NLRC5: variants seen among roughly 807,000 people sequenced by gnomAD.
The protein encoded by NLRC5 is NLR family CARD domain containing 5.
Under a neutral mutation model 206.9 loss-of-function variants are expected in NLRC5, and 114 were observed. The observed-to-expected ratio is 0.55, with a 90% CI of 0.47 to 0.64. NLRC5 has a LOEUF of 0.64. Ranked by LOEUF, NLRC5 falls within the 30% of genes least tolerant of loss-of-function variation. NLRC5 has a pLI of 0.00. For synonymous variants in NLRC5, 952 were observed against 962.8 expected, an observed-to-expected ratio of 0.99 and a Z score of 0.21; for missense variants, 2,008 against 2,305.5, an observed-to-expected ratio of 0.87 and a Z score of 2.64.
At chr16:57,001,954 T>C (rs1184716037) in intron 1 of NLRC5, among the ~76,000 whole-genome samples, 1 of 151,310 alleles carries the variant, frequency 6.6e-6, no homozygotes, top group Non-Finnish European at 1.5e-5. Context: ...TCTCCATGAC[T>C]TAAATTGTTT....
At chr16:57,065,375 T>C in intron 33 of NLRC5, 77 bp downstream of exon 33, 1 of 1,022,810 alleles carries the variant, frequency 9.8e-7, no homozygotes, top group Non-Finnish European at 1.4e-6. Flanking sequence ...CCTTCCCTCA[T>C]CCTGTGGGGT....
chr16:57,079,502 C>T (rs1425393519), intron 45 of NLRC5, 44 bp from the exon 46 acceptor site: 2 of 1,563,992 alleles, frequency 1.3e-6, no homozygotes, highest in South Asian at 1.1e-5. Context: ...GATCCCCTGA[C>T]TCAAACAACC....
chr16:57,019,400 A>AT (rs2060428947), intron 2 of NLRC5, among the ~76,000 whole-genome samples: 1 of 152,132 alleles, frequency 6.6e-6, no homozygotes, highest in Non-Finnish European at 1.5e-5. Flanking sequence ...CTGTCTCAAA[A>AT]AAAAAAGAGT....
At chr16:57,022,127 G>A in intron 3 of NLRC5, 129 bp from the exon 4 acceptor site, 4 of 639,884 alleles carry the variant, frequency 6.3e-6, no homozygotes, top group Non-Finnish European at 8.0e-6. Context: ...ATAACTGAGT[G>A]TTCCATTTAG....
intron 32 of NLRC5, 26 bp from the exon 33 acceptor site, chr16:57,065,186 C>T: frequency 5.4e-6 from 8 of 1,468,242 alleles, no homozygotes; most frequent in Non-Finnish European, 6.4e-6. Flanking sequence ...TTGGGGGGGC[C>T]TTATCTGTGT....
intron 1 of NLRC5, among the ~76,000 whole-genome samples, chr16:56,995,460 C>G (rs1443970253): frequency 6.6e-6 from 1 of 152,234 alleles, no homozygotes; most frequent in Non-Finnish European, 1.5e-5. Context: ...AAGTGGACTC[C>G]TAAAGGGATA....
At chr16:57,063,554 A>G (rs1462577228) in intron 32 of NLRC5, among the ~76,000 whole-genome samples, 2 of 152,036 alleles carry the variant, frequency 1.3e-5, no homozygotes, top group African/African-American at 4.8e-5. Context: ...TTTAAATATT[A>G]TTTTATTTCA....
intron 46 of NLRC5, among the ~76,000 whole-genome samples, chr16:57,079,973 ACCT>A (rs766641817): frequency 6.6e-6 from 1 of 151,778 alleles, no homozygotes; most frequent in Non-Finnish European, 1.5e-5. Context: ...GCTTGATGAA[ACCT>A]CCATTTATGA....
At position 57,076,825 on chromosome 16, in the gene NLRC5, C is replaced by T; in HGVS notation, c.4758C>T (p.Asn1586=). ...QMTCLQSLRL[N]RNSIGDVGCC... is the part of the protein sequence containing the mutation. ...CTATTCCCTGCTTTTCCAGACTGAA[C>T]AGGAACAGTATCGGTGATGTCGGTT... The change falls in exon 40 of 49, where the codon AAC becomes AAT. Residue 1586 remains asparagine (N), a synonymous_variant. Transcript: ENST00000688547. 1 of 1,614,124 alleles carries T rather than the reference C, an allele frequency of 6.2e-7. No homozygotes were observed. The highest frequency in any genetic ancestry group is 8.5e-7 in the Non-Finnish European group (1 of 1,180,010).
chr16:57,046,545 C>T lies in NLRC5; in HGVS notation c.3249-7C>T. The T allele has an allele frequency of 6.2e-7, 1 of 1,612,858 alleles. No individual in the cohort carries two copies. The highest frequency in any genetic ancestry group is 8.5e-7 in the Non-Finnish European group (1 of 1,179,044). ...GAACTTTCCTTTCTAAATGATCCCC[C>T]TCCTAGGGATATGTGGGCCACTGGA... is the stretch of plus-strand genomic sequence containing the variant. On this transcript the variant is annotated splice_region_variant and splice_polypyrimidine_tract_variant and intron_variant, in intron 21 of 48. Coordinates refer to ENST00000688547, the MANE Select transcript of NLRC5 (RefSeq NM_001384950.1).
At chr16:57,054,684 TTACCCTCCAGGC>T in intron 24 of NLRC5, 55 bp from the exon 25 acceptor site, 1 of 590,232 alleles carries the variant, frequency 1.7e-6, no homozygotes, top group Non-Finnish European at 3.2e-6. Flanking sequence ...CTCCCTTTCC[TTACCCTCCAGGC>T]TAGCCAGGTT....
chr16:57,049,573 TA>T (rs1341761556), intron 23 of NLRC5, among the ~76,000 whole-genome samples: 4 of 151,742 alleles, frequency 2.6e-5, no homozygotes, highest in African/African-American at 9.7e-5. Context: ...CCATCTCTAC[TA>T]AAAATACAAA....
intron 1 of NLRC5, among the ~76,000 whole-genome samples, chr16:57,011,803 T>C (rs905704797): frequency 1.3e-4 from 20 of 152,210 alleles, no homozygotes; most frequent in Non-Finnish European, 2.6e-4. Flanking sequence ...TCGTTTTGTT[T>C]GTTGCCATTT....
chr16:57,027,825 C>T (rs2061406411), intron 6 of NLRC5, among the ~76,000 whole-genome samples: 1 of 152,222 alleles, frequency 6.6e-6, no homozygotes, highest in Non-Finnish European at 1.5e-5. Flanking sequence ...ACATAGTCAC[C>T]TGGCCACACT....
chr16:57,077,235 G>A (rs1002744957), intron 40 of NLRC5, 61 bp from the exon 41 acceptor site: 2 of 1,472,074 alleles, frequency 1.4e-6, no homozygotes, highest in African/African-American at 1.4e-5. Context: ...TCTTTTTCTG[G>A]GAGTGGGGTG....
intron 22 of NLRC5, among the ~76,000 whole-genome samples, chr16:57,046,910 C>G (rs1285620114): frequency 6.6e-6 from 1 of 152,224 alleles, no homozygotes; most frequent in East Asian, 1.9e-4. Context: ...GCAGCTCAGC[C>G]ACTCCCTGCC....
At chr16:57,044,730 A>G (rs2063720126) in intron 20 of NLRC5, among the ~76,000 whole-genome samples, 1 of 150,280 alleles carries the variant, frequency 6.7e-6, no homozygotes, top group South Asian at 2.1e-4. Context: ...ACCAGCCTGG[A>G]CAACATGGTG....
At chr16:56,993,432 A>G (rs1200075655) in intron 1 of NLRC5, among the ~76,000 whole-genome samples, 4 of 152,190 alleles carry the variant, frequency 2.6e-5, no homozygotes, top group African/African-American at 9.7e-5. Flanking sequence ...TGTAATGAAT[A>G]TCCTTGGTCA....
chr16:57,026,877 C>T lies in NLRC5; in HGVS notation c.1934C>T (p.Pro645Leu), dbSNP rs1190531802. ...LPYQLPFHNF[P>L]LTCTDLATLT... ...TATCAACTGCCCTTCCACAATTTCC[C>T]ACTGACCTGCACCGACCTGGCCACC... The change falls in exon 6 of 49, where the codon CCA becomes CTA. Residue 645 changes from proline to leucine, a missense_variant. Transcript: ENST00000688547. 1.2e-6 allele frequency: 2 copies of T among 1,614,108 alleles called. No individual in the cohort carries two copies. Among genetic ancestry groups the T allele is most frequent in the Admixed American group, 1.7e-5 (1 of 60,008 alleles).
Sources: allele counts gnomAD v4.1 joint callset (sites outside exome capture counted in the v4.1 genomes callset), GRCh38; gene constraint gnomAD v4.1.1; transcripts MANE v1.5; gene names NCBI Gene and HGNC (gene_info 2026-07-23, HGNC 2026-07-21).